ADAMTS17: variants seen among roughly 807,000 people sequenced by gnomAD.
ADAMTS17 encodes ADAM metallopeptidase with thrombospondin type 1 motif 17, also known as A disintegrin and metalloproteinase with thrombospondin motifs 17.
ADAMTS17 carries 113 observed loss-of-function variants against 141.5 expected under a neutral mutation model. The observed-to-expected ratio is 0.80, with a 90% CI of 0.69 to 0.93. The LOEUF (loss-of-function observed/expected upper bound fraction) is 0.93. Among genes scored for constraint, ADAMTS17 ranks in the 40% least tolerant of loss-of-function variants. The pLI is 0.00. For missense variants in ADAMTS17, 1,659 were observed against 1,517.9 expected, an observed-to-expected ratio of 1.09 and a Z score of -1.54; for synonymous variants, 768 against 630.6, an observed-to-expected ratio of 1.22 and a Z score of -3.27.
intron 15 of ADAMTS17, among the ~76,000 whole-genome samples, chr15:100,079,283 A>G (rs188022150): frequency 4.6e-5 from 7 of 152,378 alleles, no homozygotes; most frequent in African/African-American, 1.7e-4. Context: ...AACAGCCAAA[A>G]AAGTGGAAAC....
intron 10 of ADAMTS17, among the ~76,000 whole-genome samples, chr15:100,144,983 A>G (rs1311630954): frequency 6.6e-6 from 1 of 152,246 alleles, no homozygotes; most frequent in African/African-American, 2.4e-5. Flanking sequence ...TCAGAAAAAT[A>G]AAAAGCAAAT....
intron 10 of ADAMTS17, among the ~76,000 whole-genome samples, chr15:100,134,169 G>A (rs2038204848): frequency 1.3e-5 from 2 of 152,146 alleles, no homozygotes; most frequent in Non-Finnish European, 2.9e-5. Flanking sequence ...CCCGCCCAGG[G>A]GACAGGGAGA....
At chr15:100,055,302 A>T (rs1166682475) in intron 15 of ADAMTS17, among the ~76,000 whole-genome samples, 1 of 152,224 alleles carries the variant, frequency 6.6e-6, no homozygotes, top group Admixed American at 6.5e-5. Flanking sequence ...GATTTTGGAA[A>T]ATGAGAGTTG....
At chr15:100,135,905 T>C (rs2038304947) in intron 10 of ADAMTS17, among the ~76,000 whole-genome samples, 1 of 152,060 alleles carries the variant, frequency 6.6e-6, no homozygotes, top group African/African-American at 2.4e-5. Flanking sequence ...CCAGAATGGG[T>C]AGAATGAAGA....
intron 8 of ADAMTS17, among the ~76,000 whole-genome samples, chr15:100,160,693 G>A (rs182993512): frequency 5.3e-5 from 8 of 152,220 alleles, no homozygotes; most frequent in African/African-American, 1.4e-4. Context: ...TCTGCCGGCC[G>A]AGAGGACTTC....
At chr15:100,153,522 T>C (rs1459263799) in intron 9 of ADAMTS17, among the ~76,000 whole-genome samples, 3 of 152,140 alleles carry the variant, frequency 2.0e-5, no homozygotes, top group South Asian at 2.1e-4. Flanking sequence ...GTCCCACCTG[T>C]AGTCCCAGCT....
rs150431950 is a variant in ADAMTS17 at position 100,096,453 on chromosome 15, G to A, written c.2040C>T (p.Ile680=). 107 of 1,614,024 alleles carry A rather than the reference G, an allele frequency of 6.6e-5. No individual in the cohort carries two copies. Among genetic ancestry groups the A allele is most frequent in the Non-Finnish European group, 8.1e-5 (96 of 1,180,048 alleles). ...ATCTGTCCTCTTTGGCTGCAGACCC[G>A]ATGATGCCGTCACAGCCGATTTTCT... ...KCQKIGCDGI[I]GSAAKEDRCG... Residue 680 remains isoleucine, a synonymous_variant, in exon 15 of 22, where the codon ATC becomes ATT. Coordinates refer to ENST00000268070, the MANE Select transcript of ADAMTS17 (RefSeq NM_139057.4).
rs1354852322 is a variant in ADAMTS17 at position 100,219,661 on chromosome 15, CACATGG to C, written c.1076-20244_1076-20239del. On this transcript the variant is annotated intron_variant, in intron 7 of 21. Transcript: ENST00000268070. ...TTCTAGTTGGCTCACTCAAAGTCTT[CACATGG>C]ACAAGGAGAATCTATGGCAACTTCA... Among the ~76,000 whole-genome samples the C allele has an allele frequency of 2.0e-5, 3 of 152,266 alleles. No individual in the cohort carries two copies. In the East Asian group the frequency reaches 5.8e-4, roughly 29 times the overall value.
chr15:100,130,371 A>G (rs1462840329), intron 12 of ADAMTS17, among the ~76,000 whole-genome samples: 4 of 152,062 alleles, frequency 2.6e-5, no homozygotes, highest in Non-Finnish European at 5.9e-5. Flanking sequence ...CTCAAAAAAA[A>G]AAAAAAAAAG....
At position 100,010,665 on chromosome 15, in the gene ADAMTS17, C is replaced by G. The variant is rs1017764157; in HGVS notation, c.2592-13076G>C. Among the ~76,000 whole-genome samples, 4 of 152,194 alleles carry G rather than the reference C, an allele frequency of 2.6e-5. No individual in the cohort carries two copies. In the East Asian group the frequency reaches 7.7e-4, roughly 29 times the overall value. On this transcript the variant is annotated intron_variant, in intron 18 of 21. Coordinates refer to ENST00000268070, the MANE Select transcript of ADAMTS17 (RefSeq NM_139057.4). ...CAGATGACAGCCAGCAACTCTGTTA[C>G]GAGAACAACCAAAACACAGCTTTAA...
chr15:100,095,274 G>T (rs1271379819), intron 15 of ADAMTS17, among the ~76,000 whole-genome samples: 1 of 152,144 alleles, frequency 6.6e-6, no homozygotes, highest in Non-Finnish European at 1.5e-5. Context: ...TCATTTTTAA[G>T]TTTCATTTTG....
intron 3 of ADAMTS17, among the ~76,000 whole-genome samples, chr15:100,320,613 G>C (rs1031122528): frequency 3.9e-5 from 6 of 152,270 alleles, no homozygotes; most frequent in Non-Finnish European, 7.4e-5. Context: ...CGGGCCAATT[G>C]CTTAGTTCCA....
chr15:100,270,638 C>T (rs754730411), intron 4 of ADAMTS17, among the ~76,000 whole-genome samples: 2 of 151,440 alleles, frequency 1.3e-5, no homozygotes, highest in African/African-American at 4.9e-5. Context: ...CTCCTGCATG[C>T]GTACCAGGCA....
At position 100,325,419 on chromosome 15, in the gene ADAMTS17, C is replaced by T. The variant is rs529197444; in HGVS notation, c.616+5470G>A. On this transcript the variant is annotated intron_variant, in intron 3 of 21. Transcript: ENST00000268070. The stretch of plus-strand genomic sequence containing the variant: ...GGATCCTCCTAAGAGGAAATTTGGA[C>T]GGAGACATGCAGAGAGATAAGACCA... 7.9e-5 allele frequency among the ~76,000 whole-genome samples: 12 copies of T among 152,274 alleles called. No homozygotes were observed. The East Asian group carries it at 1.2e-3, about 15-fold the overall frequency.
intron 7 of ADAMTS17, among the ~76,000 whole-genome samples, chr15:100,205,474 C>T (rs752217340): frequency 7.2e-5 from 11 of 152,228 alleles, no homozygotes; most frequent in South Asian, 2.1e-4. Flanking sequence ...ACCCACCTGC[C>T]AGAGAAGATG....
At chr15:100,331,295 T>C (rs1406049184) in intron 2 of ADAMTS17, among the ~76,000 whole-genome samples, 1 of 152,172 alleles carries the variant, frequency 6.6e-6, no homozygotes, top group Non-Finnish European at 1.5e-5. Context: ...ACAGCATCCA[T>C]TTTCCATGTT....
chr15:100,282,523 A>C (rs1427619537), intron 3 of ADAMTS17, among the ~76,000 whole-genome samples: 11 of 152,256 alleles, frequency 7.2e-5, no homozygotes, highest in Non-Finnish European at 5.9e-5. Context: ...TAACGAATGG[A>C]ATCATAACAA....
chr15:100,138,139 G>GGT (rs56110408), intron 10 of ADAMTS17, among the ~76,000 whole-genome samples: 64,518 of 151,948 alleles, frequency 0.42, 14,214 homozygotes, highest in East Asian at 0.52. Context: ...AATCTGGAAG[G>GGT]GTGTTTACCA....
chr15:100,056,095 T>C (rs74424057), intron 15 of ADAMTS17, among the ~76,000 whole-genome samples: 1,571 of 152,366 alleles, frequency 0.01, 30 homozygotes, highest in African/African-American at 0.036. Context: ...TTACAGGGTT[T>C]CATATTCTAT....
Sources: allele counts gnomAD v4.1 joint callset (sites outside exome capture counted in the v4.1 genomes callset), GRCh38; gene constraint gnomAD v4.1.1; transcripts MANE v1.5; gene names NCBI Gene and HGNC (gene_info 2026-07-23, HGNC 2026-07-21).